KCNK2: variants seen among roughly 807,000 people sequenced by gnomAD.
KCNK2 encodes potassium channel subfamily K member 2.
In KCNK2, 21 loss-of-function variants were observed where a neutral mutation model predicts 40.5. The ratio of observed to expected loss-of-function variants is 0.52; its 90% CI spans 0.37 to 0.75. The LOEUF is 0.75. KCNK2 is among the 30% of genes least tolerant of loss of function. The pLI is 0.00. For missense variants in KCNK2, 399 were observed against 531.6 expected, an observed-to-expected ratio of 0.75 and a Z score of 2.45; for synonymous variants, 191 against 202.2, an observed-to-expected ratio of 0.94 and a Z score of 0.47.
At chr1:215,192,797 G>A (rs1664720322) in intron 5 of KCNK2, among the ~76,000 whole-genome samples, 1 of 152,028 alleles carries the variant, frequency 6.6e-6, no homozygotes, top group Admixed American at 6.6e-5. Context: ...GTTGCAAAAA[G>A]TAAAAATTTT....
chr1:215,021,578 C>T (rs1314499728), intron 1 of KCNK2, among the ~76,000 whole-genome samples: 1 of 137,706 alleles, frequency 7.3e-6, no homozygotes, highest in African/African-American at 2.8e-5. Context: ...CGGAATCTCG[C>T]TCTGTCGCCC....
At chr1:215,181,028 C>A (rs1664197748) in intron 5 of KCNK2, among the ~76,000 whole-genome samples, 1 of 152,072 alleles carries the variant, frequency 6.6e-6, no homozygotes, top group African/African-American at 2.4e-5. Flanking sequence ...TTTACATAAT[C>A]CTGTATTTCT....
At chr1:215,215,967 A>C (rs1665941837) in intron 6 of KCNK2, among the ~76,000 whole-genome samples, 2 of 152,148 alleles carry the variant, frequency 1.3e-5, no homozygotes, top group Admixed American at 6.6e-5. Context: ...TCGTCATTAC[A>C]GTTTAGCCAA....
At chr1:215,215,930 C>T (rs1416701946) in intron 6 of KCNK2, among the ~76,000 whole-genome samples, 2 of 152,126 alleles carry the variant, frequency 1.3e-5, no homozygotes, top group African/African-American at 4.8e-5. Context: ...ATTTTATTTT[C>T]TGCCTTTTCT....
intron 1 of KCNK2, among the ~76,000 whole-genome samples, chr1:215,029,486 T>C (rs984135527): frequency 1.1e-4 from 17 of 148,198 alleles, no homozygotes; most frequent in African/African-American, 3.9e-4. Context: ...ATATTGTTAC[T>C]TAAGAATTTA....
chr1:215,174,593 C>T (rs1345321935), intron 5 of KCNK2, among the ~76,000 whole-genome samples: 1 of 152,176 alleles, frequency 6.6e-6, no homozygotes, highest in Non-Finnish European at 1.5e-5. Context: ...TTGATTCTTC[C>T]TATCCATGAG....
Position 215,235,207 on chromosome 1 carries a change from CTGT to C in KCNK2, c.*65_*67del, listed in dbSNP as rs769336925. 1.1e-5 allele frequency: 15 copies of C among 1,388,894 alleles called. No homozygotes were observed. Among genetic ancestry groups the C allele is most frequent in the Non-Finnish European group, 1.5e-5 (15 of 1,017,072 alleles). 86.0% of individuals were successfully genotyped at this position (1,388,894 alleles called of 1,614,324 possible). On this transcript the variant is annotated 3_prime_UTR_variant, in exon 7 of 7. Coordinates refer to ENST00000444842, the MANE Select transcript of KCNK2 (RefSeq NM_001017425.3). ...GAGGACTTCTCTATGCTCTTTATGA[CTGT>C]TGCTGGTAGCATTTTTTAAATTGTG... is the stretch of plus-strand genomic sequence containing the variant.
chr1:215,181,428 T>C (rs981345617), intron 5 of KCNK2, among the ~76,000 whole-genome samples: 11 of 152,168 alleles, frequency 7.2e-5, no homozygotes, highest in Admixed American at 6.6e-4. Flanking sequence ...TACATTCAGA[T>C]TTTTTCATGG....
At chr1:215,205,129 C>G (rs1289219400) in intron 6 of KCNK2, among the ~76,000 whole-genome samples, 1 of 152,206 alleles carries the variant, frequency 6.6e-6, no homozygotes, top group Non-Finnish European at 1.5e-5. Context: ...TCATTTGACT[C>G]TCTTTCCAGA....
chr1:215,208,984 C>A (rs534410669), intron 6 of KCNK2, among the ~76,000 whole-genome samples: 3 of 151,426 alleles, frequency 2.0e-5, no homozygotes, highest in Non-Finnish European at 4.4e-5. Flanking sequence ...CCTGCCACCA[C>A]GCCCAGCTAA....
chr1:215,078,060 A>C (rs1269406910), upstream of KCNK2, among the ~76,000 whole-genome samples: 1 of 152,220 alleles, frequency 6.6e-6, no homozygotes, highest in Non-Finnish European at 1.5e-5. Context: ...CATTGGAAGA[A>C]GAATAATTGT....
At chr1:215,062,306 G>T (rs10864148) in intron 1 of KCNK2, among the ~76,000 whole-genome samples, 42,094 of 151,852 alleles carry the variant, frequency 0.28, 6,342 homozygotes, top group South Asian at 0.57. Flanking sequence ...GTCAGTACTG[G>T]TTTGAATTTT....
At chr1:215,183,526 T>C (rs1664311348) in intron 5 of KCNK2, among the ~76,000 whole-genome samples, 1 of 152,168 alleles carries the variant, frequency 6.6e-6, no homozygotes, top group African/African-American at 2.4e-5. Context: ...ATCTGTAAGG[T>C]CCTATGTGCC....
At chr1:215,033,293 G>T (rs1488752860) in intron 1 of KCNK2, among the ~76,000 whole-genome samples, 1 of 151,238 alleles carries the variant, frequency 6.6e-6, no homozygotes, top group Admixed American at 6.6e-5. Context: ...TTCAATTAGA[G>T]TCCTCAGCAT....
chr1:215,147,772 T>C (rs1306837625), intron 3 of KCNK2, among the ~76,000 whole-genome samples: 1 of 152,106 alleles, frequency 6.6e-6, no homozygotes, highest in Non-Finnish European at 1.5e-5. Context: ...GAAATGGAAG[T>C]TGCAGTGAGC....
chr1:215,056,520 A>AG (rs1284754934), intron 1 of KCNK2, among the ~76,000 whole-genome samples: 1 of 138,376 alleles, frequency 7.2e-6, no homozygotes, highest in Non-Finnish European at 1.6e-5. Flanking sequence ...AAAAAAAAAA[A>AG]AAGAAGAAGA....
chr1:215,136,713 T>C (rs1366936673), intron 3 of KCNK2, among the ~76,000 whole-genome samples: 2 of 152,160 alleles, frequency 1.3e-5, no homozygotes, highest in African/African-American at 2.4e-5. Context: ...ATGAGGCACA[T>C]TGAACACCGG....
At chr1:215,110,957 C>G (rs531942617) in intron 2 of KCNK2, among the ~76,000 whole-genome samples, 2 of 152,084 alleles carry the variant, frequency 1.3e-5, no homozygotes, top group Non-Finnish European at 2.9e-5. Context: ...TTACAATAGC[C>G]TAAAGAATAG....
intron 3 of KCNK2, among the ~76,000 whole-genome samples, chr1:215,131,487 G>A (rs1001247007): frequency 6.9e-6 from 1 of 145,772 alleles, no homozygotes; most frequent in African/African-American, 2.5e-5. Flanking sequence ...ATTAATGTAT[G>A]CAAATTATTA....
Sources: allele counts gnomAD v4.1 joint callset (sites outside exome capture counted in the v4.1 genomes callset), GRCh38; gene constraint gnomAD v4.1.1; transcripts MANE v1.5; gene names NCBI Gene and HGNC (gene_info 2026-07-23, HGNC 2026-07-21).